Variants in MAP3K15 observed in about 807,000 individuals in gnomAD.
MAP3K15 encodes mitogen-activated protein kinase kinase kinase 15, also known as MAPK/ERK kinase kinase 15.
A neutral mutation model predicts 99.5 loss-of-function variants in MAP3K15; 124 were observed. That is an observed-to-expected ratio of 1.25 (90% CI 1.08 to 1.45). The LOEUF (loss-of-function observed/expected upper bound fraction) is 1.45, where lower values mean the gene tolerates loss of function less well. Ranked by LOEUF, MAP3K15 falls within the 40% of genes most tolerant of loss-of-function variation. The probability of loss-of-function intolerance (pLI) is 0.00; values close to 1 mark genes in which losing one functional copy is unlikely to be tolerated. For synonymous variants in MAP3K15, 494 were observed against 439.6 expected, an observed-to-expected ratio of 1.12 and a Z score of -1.55; for missense variants, 1,242 against 1,079.7, an observed-to-expected ratio of 1.15 and a Z score of -2.11.
At chrX:19,511,896 T>G (rs746893313) in intron 1 of MAP3K15, among the ~76,000 whole-genome samples, 2 of 112,083 alleles carry the variant, frequency 1.8e-5, no homozygotes, top group Admixed American at 1.9e-4. Context: ...CTATTTACAA[T>G]AGCAAAGACT....
intron 5 of MAP3K15, among the ~76,000 whole-genome samples, chrX:19,459,562 A>G (rs1168454244): frequency 8.9e-6 from 1 of 112,131 alleles, no homozygotes; most frequent in Non-Finnish European, 1.9e-5. Flanking sequence ...TAAAACGGCC[A>G]CCTCTGGCCG....
chrX:19,464,193 T>G lies in MAP3K15; in HGVS notation c.719+20A>C, dbSNP rs746275728. 81 of 1,170,312 alleles carry G rather than the reference T, an allele frequency of 6.9e-5. No individual in the cohort carries two copies. Among genetic ancestry groups the G allele is most frequent in the Non-Finnish European group, 7.7e-5 (67 of 872,964 alleles). On this transcript the variant is annotated intron_variant, in intron 4 of 28. Transcript: ENST00000338883. The stretch of plus-strand genomic sequence containing the variant: ...ATCTTGGTGAGTCTCCAGGGGTTAC[T>G]GGTGGCAGATGGGAATTACCATGAG...
chrX:19,412,097 G>A (rs1213118754), intron 11 of MAP3K15, among the ~76,000 whole-genome samples: 1 of 111,682 alleles, frequency 9.0e-6, no homozygotes, highest in Admixed American at 9.5e-5. Context: ...TGGGAGCCAG[G>A]GCAGACTCAA....
At chrX:19,451,193 G>C (rs2064034863) in intron 6 of MAP3K15, among the ~76,000 whole-genome samples, 1 of 104,663 alleles carries the variant, frequency 9.6e-6, no homozygotes, top group Admixed American at 1.0e-4. Context: ...GCTGAGGCAG[G>C]AGAATTGCTT....
At chrX:19,365,268 C>T (rs2063327549) in intron 25 of MAP3K15, among the ~76,000 whole-genome samples, 1 of 111,318 alleles carries the variant, frequency 9.0e-6, no homozygotes, top group Non-Finnish European at 1.9e-5. Flanking sequence ...ATAAGACCCC[C>T]GATTCCAGAG....
In MAP3K15 at chrX:19,362,857, T is replaced by TTA; in HGVS notation, c.3567-8_3567-7insTA. ...AACTAGGTGTTCCAAAAGTCTGGTT[T>TTA]AAAAAAAAAAAAAAAAAGCCATTAT... On this transcript the variant is annotated splice_region_variant and splice_polypyrimidine_tract_variant and intron_variant, in intron 25 of 28. Transcript: ENST00000338883. 1 of 786,994 alleles carries TTA rather than the reference T, an allele frequency of 1.3e-6. No homozygotes were observed. Among genetic ancestry groups the TTA allele is most frequent in the Non-Finnish European group, 1.8e-6 (1 of 551,982 alleles). 64.9% of individuals were successfully genotyped at this position (786,994 alleles called of 1,213,427 possible). A position where few individuals can be genotyped will look rare whatever the true frequency, so the allele number is the denominator to read the frequency against.
chrX:19,385,828 T>G (rs1305851504), intron 18 of MAP3K15, among the ~76,000 whole-genome samples: 1 of 111,499 alleles, frequency 9.0e-6, no homozygotes, highest in Non-Finnish European at 1.9e-5. Flanking sequence ...AAAAGCTGCC[T>G]GAATAAGAGT....
chrX:19,484,668 A>G (rs950716884), intron 3 of MAP3K15, among the ~76,000 whole-genome samples: 2 of 111,929 alleles, frequency 1.8e-5, no homozygotes, highest in African/African-American at 6.5e-5. Flanking sequence ...TGAGGAATGG[A>G]GAAAGAAAAC....
At chrX:19,468,753 G>A in intron 3 of MAP3K15, among the ~76,000 whole-genome samples, 1 of 111,721 alleles carries the variant, frequency 9.0e-6, no homozygotes, top group Non-Finnish European at 1.9e-5. Flanking sequence ...CCATGAGCAT[G>A]GAATGTTCTT....
intron 13 of MAP3K15, among the ~76,000 whole-genome samples, chrX:19,406,408 G>A (rs753486705): frequency 4.4e-5 from 5 of 112,424 alleles, no homozygotes; most frequent in African/African-American, 6.5e-5. Context: ...ATGAAGTACT[G>A]ATACGTGTTA....
At chrX:19,489,332 G>A (rs1271653621) in intron 1 of MAP3K15, among the ~76,000 whole-genome samples, 1 of 111,426 alleles carries the variant, frequency 9.0e-6, no homozygotes, top group Non-Finnish European at 1.9e-5. Context: ...GCCCAAGTCA[G>A]AGGGTTACCT....
Position 19,372,791 on chromosome X carries a change from G to A in MAP3K15, c.2970C>T (p.Gly990=). Residue 990 remains glycine, a synonymous_variant, in exon 22 of 29, where the codon GGC becomes GGT. Transcript: ENST00000338883. The part of the protein sequence containing the change: ...PDESSALEDR[G]LASSPEDRDQ... ...CCCTGTCCTCCGGGGACGAGGCCAA[G>A]CCCCGGTCTTCCAAGGCTGAGCTCT... is the stretch of plus-strand genomic sequence containing the variant. 1 of 1,210,999 alleles carries A rather than the reference G, an allele frequency of 8.3e-7. No homozygotes were observed. The highest frequency in any genetic ancestry group is 1.1e-6 in the Non-Finnish European group (1 of 895,070).
chrX:19,495,503 C>T (rs1192136989), intron 1 of MAP3K15, among the ~76,000 whole-genome samples: 5 of 110,869 alleles, frequency 4.5e-5, no homozygotes, highest in Admixed American at 3.9e-4. Flanking sequence ...CTATCTTTTG[C>T]TTCCCAGTAT....
intron 1 of MAP3K15, among the ~76,000 whole-genome samples, chrX:19,508,660 A>G (rs2064496439): frequency 9.0e-6 from 1 of 111,582 alleles, no homozygotes; most frequent in Non-Finnish European, 1.9e-5. Flanking sequence ...AGGTGGGAGG[A>G]TCACTTGAGC....
intron 8 of MAP3K15, 106 bp downstream of exon 8, chrX:19,426,125 A>G (rs1270711146): frequency 2.3e-6 from 1 of 439,289 alleles, no homozygotes; most frequent in East Asian, 4.7e-5. Flanking sequence ...CTGTCTCAAA[A>G]AAAGAATAGA....
intron 12 of MAP3K15, 23 bp downstream of exon 12, chrX:19,409,901 T>C (rs2147272087): frequency 8.9e-7 from 1 of 1,127,096 alleles, no homozygotes; most frequent in South Asian, 1.9e-5. Context: ...AAATAGTAAC[T>C]CCATTTTCTC....
intron 22 of MAP3K15, 48 bp from the exon 23 acceptor site, chrX:19,371,578 A>G: frequency 9.0e-7 from 1 of 1,114,827 alleles, no homozygotes; most frequent in Non-Finnish European, 1.2e-6. Context: ...TGAGAGAGCG[A>G]GAGTTCAGAA....
rs1378031029 is a variant in MAP3K15, at chrX:19,373,562, G to A, written c.2907C>T (p.Pro969=). ...PDALFERTRA[P]RHHLGHLLSV... ...TGAGGAGGTGGCCAAGGTGGTGCCT[G>A]GGCGCCCGGGTCCTCTCAAAGAGTG... Residue 969 remains proline, a synonymous_variant, in exon 21 of 29, where the codon CCC becomes CCT. Transcript: ENST00000338883. 1 of 1,172,911 alleles carries A rather than the reference G, an allele frequency of 8.5e-7. No individual in the cohort carries two copies. The highest frequency in any genetic ancestry group is 1.1e-6 in the Non-Finnish European group (1 of 875,817).
At chrX:19,500,895 C>A (rs1033554162) in intron 1 of MAP3K15, among the ~76,000 whole-genome samples, 7 of 111,910 alleles carry the variant, frequency 6.3e-5, no homozygotes, top group African/African-American at 2.3e-4. Flanking sequence ...GGTAGCAGAC[C>A]AGCCCACGGA....
Sources: allele counts gnomAD v4.1 joint callset (sites outside exome capture counted in the v4.1 genomes callset), GRCh38; gene constraint gnomAD v4.1.1; transcripts MANE v1.5; gene names NCBI Gene and HGNC (gene_info 2026-07-23, HGNC 2026-07-21).